The following PRKD1 variants were observed in gnomAD, a reference collection of about 807,000 sequenced individuals.
The protein encoded by PRKD1 is protein kinase D1.
Under a neutral mutation model 95.9 loss-of-function variants are expected in PRKD1, and 63 were observed. The ratio of observed to expected loss-of-function variants is 0.66; its 90% CI spans 0.54 to 0.81. The LOEUF (loss-of-function observed/expected upper bound fraction) is 0.81, where lower values mean the gene tolerates loss of function less well. Among genes scored for constraint, PRKD1 ranks in the 30% least tolerant of loss-of-function variants. The pLI is 0.00. For synonymous variants in PRKD1, 425 were observed against 423.1 expected (o/e 1.00, Z -0.05); for missense variants, 1,048 against 1,165.3 (o/e 0.90, Z 1.47).
chr14:29,739,704 CTCCT>C (rs1886898088), intron 1 of PRKD1, among the ~76,000 whole-genome samples: 1 of 152,110 alleles, frequency 6.6e-6, no homozygotes, highest in African/African-American at 2.4e-5. Context: ...ACTATAAATC[CTCCT>C]TCCTTGGGCA....
chr14:29,859,409 C>T (rs895515907), intron 1 of PRKD1, among the ~76,000 whole-genome samples: 4 of 152,026 alleles, frequency 2.6e-5, no homozygotes, highest in African/African-American at 9.7e-5. Context: ...GAGATTGAGA[C>T]CATCCTGGCT....
chr14:29,785,834 A>T (rs1375285736), intron 1 of PRKD1, among the ~76,000 whole-genome samples: 2 of 150,664 alleles, frequency 1.3e-5, no homozygotes, highest in Non-Finnish European at 3.0e-5. Flanking sequence ...ATAATAAAAT[A>T]AAATAAATAA....
chr14:29,903,704 G>A (rs2139433551), intron 1 of PRKD1, among the ~76,000 whole-genome samples: 1 of 152,236 alleles, frequency 6.6e-6, no homozygotes, highest in South Asian at 2.1e-4. Context: ...AAGGGATAAA[G>A]GGGTGACAAC....
intron 1 of PRKD1, among the ~76,000 whole-genome samples, chr14:29,760,556 T>C (rs1386110361): frequency 7.9e-5 from 12 of 152,044 alleles, no homozygotes; most frequent in Admixed American, 7.2e-4. Flanking sequence ...GGTTTCACCA[T>C]GTTGGCCAGC....
intron 2 of PRKD1, among the ~76,000 whole-genome samples, chr14:29,689,603 G>A (rs957635037): frequency 6.6e-6 from 1 of 152,116 alleles, no homozygotes; most frequent in African/African-American, 2.4e-5. Flanking sequence ...ACCCATTTGA[G>A]CCAGCAATCC....
intron 1 of PRKD1, among the ~76,000 whole-genome samples, chr14:29,809,876 A>C (rs1378488669): frequency 1.3e-5 from 2 of 152,230 alleles, no homozygotes; most frequent in Non-Finnish European, 2.9e-5. Flanking sequence ...TGTTTGGCAC[A>C]AGAGGCCACA....
intron 13 of PRKD1, among the ~76,000 whole-genome samples, chr14:29,616,945 C>T (rs1201604921): frequency 1.3e-5 from 2 of 152,000 alleles, no homozygotes; most frequent in East Asian, 1.9e-4. Flanking sequence ...CAAACCTCAC[C>T]CTCTTCCCAT....
At chr14:29,869,805 C>T (rs964574860) in intron 1 of PRKD1, among the ~76,000 whole-genome samples, 1 of 152,054 alleles carries the variant, frequency 6.6e-6, no homozygotes. Flanking sequence ...CATTAAACAC[C>T]CACTCAAACA....
At chr14:29,651,326 T>G (rs1881481715) in intron 4 of PRKD1, among the ~76,000 whole-genome samples, 1 of 152,202 alleles carries the variant, frequency 6.6e-6, no homozygotes, top group African/African-American at 2.4e-5. Flanking sequence ...CACTAAAAAC[T>G]GGGCTATTTA....
At chr14:29,581,074 A>G (rs1341943900) in intron 16 of PRKD1, among the ~76,000 whole-genome samples, 4 of 151,934 alleles carry the variant, frequency 2.6e-5, no homozygotes, top group Non-Finnish European at 5.9e-5. Context: ...TTTATAACTT[A>G]CTGTCATTAG....
At chr14:29,806,229 T>C (rs1182928142) in intron 1 of PRKD1, among the ~76,000 whole-genome samples, 3 of 152,164 alleles carry the variant, frequency 2.0e-5, no homozygotes, top group Non-Finnish European at 1.5e-5. Context: ...ACTGGGCCCA[T>C]TGCTGGGTCC....
chr14:29,764,488 T>C (rs1039733663), intron 1 of PRKD1, among the ~76,000 whole-genome samples: 51 of 152,100 alleles, frequency 3.4e-4, no homozygotes, highest in African/African-American at 1.2e-3. Flanking sequence ...GTAATAGAAA[T>C]TTATTTCTCA....
intron 1 of PRKD1, among the ~76,000 whole-genome samples, chr14:29,876,621 T>G (rs1428873587): frequency 6.7e-6 from 1 of 149,248 alleles, no homozygotes; most frequent in Non-Finnish European, 1.5e-5. Context: ...AGACAATGCC[T>G]AAAATGGGCT....
intron 1 of PRKD1, among the ~76,000 whole-genome samples, chr14:29,855,630 G>A (rs1307522013): frequency 6.6e-6 from 1 of 152,170 alleles, no homozygotes; most frequent in Non-Finnish European, 1.5e-5. Flanking sequence ...TTTGGGAGGA[G>A]CCAGGGATGG....
intron 1 of PRKD1, among the ~76,000 whole-genome samples, chr14:29,747,000 T>C (rs1051179252): frequency 1.3e-5 from 2 of 152,210 alleles, no homozygotes; most frequent in African/African-American, 4.8e-5. Context: ...CAAGATTCTA[T>C]CGGCAACATA....
intron 1 of PRKD1, among the ~76,000 whole-genome samples, chr14:29,918,980 A>C (rs1894988109): frequency 6.6e-6 from 1 of 152,224 alleles, no homozygotes. Flanking sequence ...ACTGTTTTAT[A>C]ATATATGCGG....
At position 29,875,030 on chromosome 14, in the gene PRKD1, T is replaced by G. The variant is rs536853628; in HGVS notation, c.264+52219A>C. Among the ~76,000 whole-genome samples the G allele has an allele frequency of 1.6e-4, 25 of 152,278 alleles. No individual in the cohort carries two copies. The East Asian group carries it at 3.9e-3, about 23-fold the overall frequency. On this transcript the variant is annotated intron_variant, in intron 1 of 17. Coordinates refer to ENST00000331968, the MANE Select transcript of PRKD1 (RefSeq NM_002742.3). ...GCATGTATAAAAAATTCACTTGTAC[T>G]CCATAAATATGTAAAATATGTATCA...
chr14:29,653,987 A>G lies in PRKD1; in HGVS notation c.696+9712T>C, dbSNP rs987140196. ...GGAAAAGCCTTTTAAAATATTGACAACACCTGTTGTTGGGAAGAGTATAAG... is the reference window on the plus strand; with the variant it reads ...GGAAAAGCCTTTTAAAATATTGACAGCACCTGTTGTTGGGAAGAGTATAAG... On this transcript the variant is annotated intron_variant, in intron 4 of 17. Transcript: ENST00000331968. 2.0e-5 allele frequency among the ~76,000 whole-genome samples: 3 copies of G among 152,262 alleles called. No individual in the cohort carries two copies. In the East Asian group the frequency reaches 5.8e-4, roughly 29 times the overall value.
intron 13 of PRKD1, among the ~76,000 whole-genome samples, chr14:29,604,712 C>T (rs536983328): frequency 5.9e-5 from 9 of 152,192 alleles, no homozygotes; most frequent in Middle Eastern, 3.4e-3. Context: ...AATCCTTAAA[C>T]GCCTTATTAA....
Sources: gnomAD v4.1 joint callset for allele counts (sites outside exome capture counted in the v4.1 genomes callset) on GRCh38, gnomAD v4.1.1 for gene constraint, MANE v1.5 for transcripts, NCBI Gene and HGNC (gene_info 2026-07-23, HGNC 2026-07-21) for gene names.